DYNC1I1: variants seen among roughly 807,000 people sequenced by gnomAD.
The protein encoded by DYNC1I1 is dynein cytoplasmic 1 intermediate chain 1.
A neutral mutation model predicts 86.6 loss-of-function variants in DYNC1I1; 43 were observed. The ratio of observed to expected loss-of-function variants is 0.50; its 90% CI spans 0.39 to 0.64. DYNC1I1 has a LOEUF of 0.64. Ranked by LOEUF, DYNC1I1 falls within the 30% of genes least tolerant of loss-of-function variation. The probability of loss-of-function intolerance (pLI) is 0.00; values close to 1 mark genes in which losing one functional copy is unlikely to be tolerated. For synonymous variants in DYNC1I1, 262 were observed against 283.7 expected, an observed-to-expected ratio of 0.92 and a Z score of 0.77; for missense variants, 604 against 788.8, an observed-to-expected ratio of 0.77 and a Z score of 2.81.
intron 7 of DYNC1I1, among the ~76,000 whole-genome samples, chr7:95,979,939 C>A (rs1283447909): frequency 6.6e-6 from 1 of 152,044 alleles, no homozygotes; most frequent in African/African-American, 2.4e-5. Context: ...AAGTCAGGAT[C>A]TATTAAAGTA....
chr7:96,068,300 A>C (rs931084658), intron 14 of DYNC1I1, among the ~76,000 whole-genome samples: 8 of 152,224 alleles, frequency 5.3e-5, no homozygotes, highest in Non-Finnish European at 1.0e-4. Flanking sequence ...TTTGAACAAA[A>C]TATGTTGAAC....
intron 6 of DYNC1I1, among the ~76,000 whole-genome samples, chr7:95,929,044 G>C (rs1034050278): frequency 2.6e-5 from 4 of 152,184 alleles, no homozygotes; most frequent in Admixed American, 6.5e-5. Flanking sequence ...CTGGGTACGA[G>C]TAAAGTGTCC....
intron 1 of DYNC1I1, among the ~76,000 whole-genome samples, chr7:95,800,098 G>T (rs534804279): frequency 1.3e-5 from 2 of 150,204 alleles, no homozygotes; most frequent in African/African-American, 4.9e-5. Flanking sequence ...TGAAGCCAAA[G>T]TGATCAAAAC....
chr7:95,805,845 G>C (rs984558142), intron 2 of DYNC1I1, among the ~76,000 whole-genome samples: 1 of 152,108 alleles, frequency 6.6e-6, no homozygotes, highest in Non-Finnish European at 1.5e-5. Flanking sequence ...AACTTATTTT[G>C]ATGCCTTACA....
intron 16 of DYNC1I1, among the ~76,000 whole-genome samples, chr7:96,083,775 A>G (rs1437494259): frequency 6.6e-6 from 1 of 152,228 alleles, no homozygotes; most frequent in African/African-American, 2.4e-5. Context: ...CTCTGCCACC[A>G]CTACCAATAT....
At chr7:95,956,881 T>C (rs1350788285) in intron 6 of DYNC1I1, among the ~76,000 whole-genome samples, 1 of 152,194 alleles carries the variant, frequency 6.6e-6, no homozygotes, top group Non-Finnish European at 1.5e-5. Context: ...CTATTGGAAC[T>C]ACATGATGCA....
intron 6 of DYNC1I1, among the ~76,000 whole-genome samples, chr7:95,942,803 C>T (rs1792270158): frequency 1.4e-5 from 2 of 141,346 alleles, no homozygotes; most frequent in South Asian, 2.5e-4. Context: ...GCAGAAAAGG[C>T]CTTTGACAAA....
intron 6 of DYNC1I1, among the ~76,000 whole-genome samples, chr7:95,922,398 C>T (rs958474472): frequency 6.6e-6 from 1 of 152,126 alleles, no homozygotes; most frequent in Non-Finnish European, 1.5e-5. Flanking sequence ...GAACTTCCAA[C>T]TATATTGAGC....
chr7:95,959,021 G>A (rs1237283210), intron 6 of DYNC1I1, among the ~76,000 whole-genome samples: 1 of 152,200 alleles, frequency 6.6e-6, no homozygotes, highest in Non-Finnish European at 1.5e-5. Flanking sequence ...ATGTTCTGGG[G>A]AGGTAAACTT....
At chr7:95,797,806 G>A (rs929393504) in intron 1 of DYNC1I1, among the ~76,000 whole-genome samples, 31 of 152,286 alleles carry the variant, frequency 2.0e-4, no homozygotes, top group African/African-American at 7.2e-4. Flanking sequence ...TGTGAGGCCA[G>A]ATTTTCTTCA....
At chr7:96,080,216 C>A in intron 15 of DYNC1I1, 147 bp from the exon 16 acceptor site, 1 of 1,009,286 alleles carries the variant, frequency 9.9e-7, no homozygotes, top group Non-Finnish European at 1.4e-6. Context: ...AACAATGAGC[C>A]CTTTTTCCCC....
At chr7:95,925,079 A>G (rs1791708111) in intron 6 of DYNC1I1, among the ~76,000 whole-genome samples, 1 of 152,180 alleles carries the variant, frequency 6.6e-6, no homozygotes, top group South Asian at 2.1e-4. Context: ...TTGTCAAAAT[A>G]CGAGTTGCAA....
At chr7:95,834,606 T>C (rs200773932) in intron 5 of DYNC1I1, among the ~76,000 whole-genome samples, 9,874 of 138,830 alleles carry the variant, frequency 0.071, 292 homozygotes, top group South Asian at 0.12. Flanking sequence ...GGTCCTGGAC[T>C]CTTTTTGGTT....
chr7:95,844,609 G>A (rs1377655416), intron 5 of DYNC1I1, among the ~76,000 whole-genome samples: 25 of 152,030 alleles, frequency 1.6e-4, no homozygotes, highest in Admixed American at 1.6e-3. Flanking sequence ...GGGGGTTAGA[G>A]GAATGGGTTC....
chr7:96,012,361 T>C (rs1794296857), intron 10 of DYNC1I1, among the ~76,000 whole-genome samples: 1 of 152,236 alleles, frequency 6.6e-6, no homozygotes, highest in African/African-American at 2.4e-5. Context: ...CTTTCTTTTT[T>C]GTTGGTTGTT....
intron 14 of DYNC1I1, among the ~76,000 whole-genome samples, chr7:96,062,707 TG>T (rs1789817750): frequency 1.3e-5 from 2 of 152,170 alleles, no homozygotes; most frequent in Admixed American, 1.3e-4. Flanking sequence ...TAATTAGCCT[TG>T]AAGGCAGCTG....
intron 5 of DYNC1I1, among the ~76,000 whole-genome samples, chr7:95,851,373 T>C (rs935869407): frequency 3.3e-5 from 5 of 152,146 alleles, no homozygotes; most frequent in South Asian, 2.1e-4. Flanking sequence ...CAAGATTTTA[T>C]CATGCTATTC....
intron 15 of DYNC1I1, among the ~76,000 whole-genome samples, chr7:96,080,113 C>T (rs746830759): frequency 3.9e-5 from 6 of 152,084 alleles, no homozygotes; most frequent in East Asian, 1.9e-4. Flanking sequence ...ACTTACTGCC[C>T]GGTGACTATG....
intron 6 of DYNC1I1, among the ~76,000 whole-genome samples, chr7:95,906,286 ATCCCC>A (rs1466773743): frequency 1.3e-5 from 2 of 152,162 alleles, no homozygotes; most frequent in African/African-American, 4.8e-5. Flanking sequence ...AAGTTACTTA[ATCCCC>A]TTGAGCTACG....
Sources: allele counts gnomAD v4.1 joint callset (sites outside exome capture counted in the v4.1 genomes callset), GRCh38; gene constraint gnomAD v4.1.1; transcripts MANE v1.5; gene names NCBI Gene and HGNC (gene_info 2026-07-23, HGNC 2026-07-21).